SMC1B: variants seen among roughly 807,000 people sequenced by gnomAD.
The protein encoded by SMC1B is structural maintenance of chromosomes protein 1B.
SMC1B carries 60 observed loss-of-function variants against 157.9 expected under a neutral mutation model. The observed-to-expected ratio is 0.38, with a 90% CI of 0.31 to 0.47. The LOEUF is 0.47. SMC1B is among the 20% of genes least tolerant of loss of function. The pLI, the probability that SMC1B is intolerant of heterozygous loss-of-function variation, is 0.99. For synonymous variants in SMC1B, 445 were observed against 483.0 expected (o/e 0.92, Z 1.03); for missense variants, 1,165 against 1,426.2 (o/e 0.82, Z 2.95).
At chr22:45,374,027 A>G (rs1030674222) in intron 12 of SMC1B, among the ~76,000 whole-genome samples, 12 of 151,922 alleles carry the variant, frequency 7.9e-5, no homozygotes, top group South Asian at 2.1e-4. Context: ...GGTTATGTAT[A>G]AAACAAGGTA....
chr22:45,388,778 C>T (rs982371917), intron 10 of SMC1B, among the ~76,000 whole-genome samples: 10 of 151,704 alleles, frequency 6.6e-5, no homozygotes, highest in Admixed American at 1.3e-4. Context: ...GAATTTGAGA[C>T]CAGCCTGACC....
At position 45,354,062 on chromosome 22, in the gene SMC1B, G is replaced by A. The variant is rs62231141; in HGVS notation, c.3189C>T (p.Tyr1063=). The A allele has an allele frequency of 1.1e-5, 17 of 1,602,502 alleles. No homozygotes were observed. The highest frequency in any genetic ancestry group is 2.3e-5 in the East Asian group (1 of 44,404). ...QEFEQVKKRR[Y]DLFTQCFEHV... ...GCTCAAAACACTGGGTGAAAAGATC[G>A]TATCTCCTTTTTTTCACTTGCTCGA... The change falls in exon 21 of 25, where the codon TAC becomes TAT. Residue 1063 remains tyrosine (Y), a synonymous_variant. Coordinates refer to ENST00000357450, the MANE Select transcript of SMC1B (RefSeq NM_148674.5).
At chr22:45,387,769 C>T (rs976198772) in intron 10 of SMC1B, among the ~76,000 whole-genome samples, 6 of 152,100 alleles carry the variant, frequency 3.9e-5, no homozygotes, top group East Asian at 1.9e-4. Flanking sequence ...GTGTAGCTTA[C>T]GCCTGTAATC....
At chr22:45,396,273 G>A in intron 7 of SMC1B, 73 bp downstream of exon 7, 1 of 1,332,336 alleles carries the variant, frequency 7.5e-7, no homozygotes. Context: ...GATTCATTCT[G>A]GAGACAGGTA....
rs760667122 is a variant in SMC1B at position 45,354,947 on chromosome 22, A to C, written c.3118+12T>G. 1.2e-6 allele frequency: 2 copies of C among 1,613,188 alleles called. No homozygotes were observed. ...TGAATATAATCTTGTTAGTGACTAC[A>C]CTCAATTTTACCATCTGTGGACTCT... On this transcript the variant is annotated intron_variant, in intron 20 of 24. Coordinates refer to ENST00000357450, the MANE Select transcript of SMC1B (RefSeq NM_148674.5).
chr22:45,370,093 A>G (rs1350113315), intron 14 of SMC1B, 33 bp from the exon 15 acceptor site: 4 of 1,195,666 alleles, frequency 3.3e-6, no homozygotes, highest in Non-Finnish European at 4.7e-6. Flanking sequence ...TTGATTTAAT[A>G]AGCAATTTTA....
At position 45,372,195 on chromosome 22, in the gene SMC1B, A is replaced by T. The variant is rs759835566; in HGVS notation, c.2156T>A (p.Leu719Gln). The T allele has an allele frequency of 6.2e-7, 1 of 1,611,968 alleles. No homozygotes were observed. Among genetic ancestry groups the T allele is most frequent in the Non-Finnish European group, 8.5e-7 (1 of 1,179,206 alleles). Residue 719 changes from leucine to glutamine, a missense_variant, in exon 13 of 25, where the codon CTA (leucine) becomes CAA (glutamine). Coordinates refer to ENST00000357450, the MANE Select transcript of SMC1B (RefSeq NM_148674.5). Reference protein sequence around the residue: ...QTRLKYSQNELEMIKKKHLVA... With the variant: ...QTRLKYSQNEQEMIKKKHLVA... ...AAGGTGCTTCTTCTTAATCATCTCT[A>T]GTTCATTTTGTGAATATTTGAGTCG...
chr22:45,390,839 A>G (rs1430147214), intron 9 of SMC1B, among the ~76,000 whole-genome samples: 2 of 152,198 alleles, frequency 1.3e-5, no homozygotes, highest in African/African-American at 2.4e-5. Context: ...AGCATCATGT[A>G]TCAGTGGTCT....
At chr22:45,413,104 G>A (rs8136881) in intron 1 of SMC1B, among the ~76,000 whole-genome samples, 60,754 of 151,520 alleles carry the variant, frequency 0.4, 12,510 homozygotes, top group South Asian at 0.57. Flanking sequence ...GAGGGCCGGA[G>A]CTGAGGTGGG....
chr22:45,406,497 G>C lies in SMC1B; in HGVS notation c.578C>G (p.Ala193Gly), dbSNP rs746547020. The C allele has an allele frequency of 1.9e-6, 3 of 1,611,832 alleles. No individual in the cohort carries two copies. The Admixed American group carries it at 5.0e-5, about 27-fold the overall frequency. Reference protein sequence around the residue: ...QFNFNKKKNIAAERRQAKLEK... With the variant: ...QFNFNKKKNIGAERRQAKLEK... Reference sequence around the variant, plus strand: ...TAATTTTGCTTGTCTGCGCTCTGCCGCTATATTTTTTTTCTTATTAAAGTT... The same window carrying C: ...TAATTTTGCTTGTCTGCGCTCTGCCCCTATATTTTTTTTCTTATTAAAGTT... The change falls in exon 4 of 25, where the codon GCG (alanine) becomes GGG (glycine). Residue 193 changes from alanine to glycine, a missense_variant. Physicochemically the swap from Ala to Gly is moderately conservative, Grantham distance 60. Coordinates refer to ENST00000357450, the MANE Select transcript of SMC1B (RefSeq NM_148674.5).
intron 12 of SMC1B, 112 bp from the exon 13 acceptor site, chr22:45,372,404 C>T: frequency 3.6e-6 from 3 of 823,464 alleles, no homozygotes; most frequent in Non-Finnish European, 5.4e-6. Flanking sequence ...CACACCTGCA[C>T]CTTACCTCCC....
rs754897845 is a variant in SMC1B at position 45,408,696 on chromosome 22, T to G, written c.298+14A>C. The stretch of plus-strand genomic sequence containing the variant: ...TCTTGAAAAATAAAATGAAAAAAAA[T>G]TATAAAAAAATACCTCGGATAATCC... On this transcript the variant is annotated intron_variant, in intron 2 of 24. Coordinates refer to ENST00000357450, the MANE Select transcript of SMC1B (RefSeq NM_148674.5). The G allele has an allele frequency of 4.5e-6, 7 of 1,549,352 alleles. No individual in the cohort carries two copies. The highest frequency in any genetic ancestry group is 6.1e-6 in the Non-Finnish European group (7 of 1,151,392).
chr22:45,344,408 C>A lies in SMC1B; in HGVS notation c.*148G>T, dbSNP rs528167007. ...GTCTGAACACTCAACTAAAGTGAGCCACAGCCTCTTTGGCTAGAACGACTA... is the reference window on the plus strand; with the variant it reads ...GTCTGAACACTCAACTAAAGTGAGCAACAGCCTCTTTGGCTAGAACGACTA... On this transcript the variant is annotated 3_prime_UTR_variant, in exon 25 of 25. Transcript: ENST00000357450. The A allele has an allele frequency of 2.3e-5, 13 of 557,800 alleles. No homozygotes were observed. The Admixed American group carries it at 3.7e-4, about 16-fold the overall frequency. 34.6% of individuals were successfully genotyped at this position (557,800 alleles called of 1,614,324 possible).
At chr22:45,355,579 G>T (rs142977372) in intron 19 of SMC1B, among the ~76,000 whole-genome samples, 206 of 152,184 alleles carry the variant, frequency 1.4e-3, no homozygotes, top group Middle Eastern at 6.8e-3. Context: ...TCAGCCTCCC[G>T]AGTAGCTGGG....
At chr22:45,348,158 A>G (rs993483078) in intron 23 of SMC1B, among the ~76,000 whole-genome samples, 1 of 152,124 alleles carries the variant, frequency 6.6e-6, no homozygotes, top group African/African-American at 2.4e-5. Flanking sequence ...CTAAAATTCA[A>G]CTCCTAAGTG....
At chr22:45,398,683 G>A (rs2087155641) in intron 6 of SMC1B, among the ~76,000 whole-genome samples, 1 of 152,092 alleles carries the variant, frequency 6.6e-6, no homozygotes, top group African/African-American at 2.4e-5. Flanking sequence ...TACAAAATCA[G>A]CCAGGCATGG....
chr22:45,408,784 G>T lies in SMC1B; in HGVS notation c.224C>A (p.Ser75Tyr). The T allele has an allele frequency of 6.3e-7, 1 of 1,593,564 alleles. No individual in the cohort carries two copies. The highest frequency in any genetic ancestry group is 8.5e-7 in the Non-Finnish European group (1 of 1,172,902). The change falls in exon 2 of 25, where the codon TCT (serine) becomes TAT (tyrosine). Residue 75 changes from serine (S) to tyrosine (Y), a missense_variant. By Grantham distance (144) the Ser-to-Tyr change is moderately radical. Transcript: ENST00000357450. ...TATAATTTTTACACTTGCAGAAGAAGAAATAGGTTTTCCAATATGTGCTCC... is the reference window on the plus strand; with the variant it reads ...TATAATTTTTACACTTGCAGAAGAATAAATAGGTTTTCCAATATGTGCTCC... Reference protein sequence around the residue: ...IHGAHIGKPISSSASVKIIYV... With the variant: ...IHGAHIGKPIYSSASVKIIYV...
intron 21 of SMC1B, 109 bp from the exon 22 acceptor site, chr22:45,352,711 G>T: frequency 9.4e-7 from 1 of 1,064,236 alleles, no homozygotes. Flanking sequence ...CAATTTTGAT[G>T]GAAAACTACC....
At chr22:45,359,563 ATTC>A (rs1467509581) in intron 18 of SMC1B, among the ~76,000 whole-genome samples, 2 of 152,182 alleles carry the variant, frequency 1.3e-5, no homozygotes, top group Non-Finnish European at 2.9e-5. Flanking sequence ...GTGCAAAAAC[ATTC>A]TTGACTCCAA....
Sources: gnomAD v4.1 joint callset for allele counts (sites outside exome capture counted in the v4.1 genomes callset) on GRCh38, gnomAD v4.1.1 for gene constraint, MANE v1.5 for transcripts, NCBI Gene and HGNC (gene_info 2026-07-23, HGNC 2026-07-21) for gene names.